BMAL1: variants seen among roughly 807,000 people sequenced by gnomAD.
BMAL1 encodes basic helix-loop-helix ARNT-like protein 1.
the BMAL1 span, among the ~76,000 whole-genome samples, chr11:13,278,232 G>A: frequency 6.6e-6 from 1 of 152,244 alleles, no homozygotes; most frequent in African/African-American, 2.4e-5. Context: ...GGCCGGGAAA[G>A]TGTTCGCTGG....
At chr11:13,336,228 C>A in the BMAL1 span, among the ~76,000 whole-genome samples, 2 of 152,132 alleles carry the variant, frequency 1.3e-5, no homozygotes, top group African/African-American at 4.8e-5. Flanking sequence ...CCTAAAAGAG[C>A]CTGAAACAGT....
chr11:13,345,403 G>A, the BMAL1 span, among the ~76,000 whole-genome samples: 1 of 152,228 alleles, frequency 6.6e-6, no homozygotes, highest in Non-Finnish European at 1.5e-5. Context: ...TGAGAGCTGA[G>A]CATTTCCCTC....
At chr11:13,283,341 T>G in the BMAL1 span, among the ~76,000 whole-genome samples, 1 of 152,232 alleles carries the variant, frequency 6.6e-6, no homozygotes, top group African/African-American at 2.4e-5. Flanking sequence ...ATAGGAATAA[T>G]AATTATTACG....
chr11:13,281,629 C>T, the BMAL1 span, among the ~76,000 whole-genome samples: 4 of 152,136 alleles, frequency 2.6e-5, no homozygotes, highest in Non-Finnish European at 5.9e-5. Context: ...CCTGCCTCAG[C>T]CTCCAGAGTA....
chr11:13,350,853 TAAA>T, the BMAL1 span, among the ~76,000 whole-genome samples: 1 of 152,312 alleles, frequency 6.6e-6, no homozygotes, highest in Non-Finnish European at 1.5e-5. Flanking sequence ...TAAACAAAGT[TAAA>T]AAGCAAAAGG....
chr11:13,318,654 C>G, the BMAL1 span, among the ~76,000 whole-genome samples: 1 of 145,476 alleles, frequency 6.9e-6, no homozygotes, highest in Non-Finnish European at 1.5e-5. Flanking sequence ...GAACTTGAGA[C>G]CATTGCCTTC....
the BMAL1 span, among the ~76,000 whole-genome samples, chr11:13,341,129 A>G: frequency 6.6e-6 from 1 of 151,922 alleles, no homozygotes; most frequent in Non-Finnish European, 1.5e-5. Flanking sequence ...CCTAGGGGAG[A>G]ACCCTCAGCC....
At chr11:13,351,560 A>G in the BMAL1 span, among the ~76,000 whole-genome samples, 1 of 152,196 alleles carries the variant, frequency 6.6e-6, no homozygotes, top group Non-Finnish European at 1.5e-5. Flanking sequence ...CACTAGCTAG[A>G]GCCCCTGGAG....
chr11:13,385,725 G>A, the BMAL1 span: 11 of 1,613,548 alleles, frequency 6.8e-6, no homozygotes, highest in South Asian at 5.5e-5. Context: ...TCCTTCCAGT[G>A]GCCTACTATC....
At chr11:13,314,167 G>A in the BMAL1 span, among the ~76,000 whole-genome samples, 8 of 148,590 alleles carry the variant, frequency 5.4e-5, no homozygotes, top group Non-Finnish European at 8.9e-5. Flanking sequence ...AGCACTTATC[G>A]GTGTTACTGT....
At chr11:13,312,842 T>A in the BMAL1 span, among the ~76,000 whole-genome samples, 2 of 152,350 alleles carry the variant, frequency 1.3e-5, no homozygotes, top group African/African-American at 4.8e-5. Context: ...TCTCAGGCAC[T>A]GCTCTTGGCA....
chr11:13,386,897 C>T, the BMAL1 span: 1 of 953,694 alleles, frequency 1.0e-6, no homozygotes, highest in Non-Finnish European at 1.5e-6. Flanking sequence ...GCCATTGATA[C>T]AAGTCAATCT....
At chr11:13,307,967 C>T in the BMAL1 span, among the ~76,000 whole-genome samples, 1 of 152,124 alleles carries the variant, frequency 6.6e-6, no homozygotes, top group Non-Finnish European at 1.5e-5. Context: ...ATTTCCTCCT[C>T]TGTTCAGAAT....
chr11:13,381,259 G>A, the BMAL1 span: 3 of 1,613,680 alleles, frequency 1.9e-6, no homozygotes, highest in Non-Finnish European at 2.5e-6. Context: ...AAGAAGGTAA[G>A]ACTGATGATT....
At chr11:13,387,202 TGGG>T in the BMAL1 span, 1 of 153,876 alleles carries the variant, frequency 6.5e-6, no homozygotes, top group African/African-American at 2.4e-5. Flanking sequence ...ACTATAAATA[TGGG>T]TTAAAGTATA....
At chr11:13,381,206 C>G in the BMAL1 span, 12 of 1,614,072 alleles carry the variant, frequency 7.4e-6, no homozygotes, top group Non-Finnish European at 1.0e-5. Flanking sequence ...GCCCATTGAA[C>G]ATCACGAGTA....
chr11:13,313,076 G>A, the BMAL1 span, among the ~76,000 whole-genome samples: 1,347 of 152,308 alleles, frequency 8.8e-3, 21 homozygotes, highest in African/African-American at 0.03. Flanking sequence ...TGTCAGCTGC[G>A]CTGTCAGCAC....
At chr11:13,346,278 C>G in the BMAL1 span, among the ~76,000 whole-genome samples, 1 of 152,214 alleles carries the variant, frequency 6.6e-6, no homozygotes, top group Non-Finnish European at 1.5e-5. Context: ...CAGAACCTTC[C>G]CACTGGGTGG....
At chr11:13,377,738 CTCA>C in the BMAL1 span, among the ~76,000 whole-genome samples, 1 of 152,254 alleles carries the variant, frequency 6.6e-6, no homozygotes, top group Non-Finnish European at 1.5e-5. Context: ...CTATCATGCT[CTCA>C]TCATCATTTA....
Sources: gnomAD v4.1 joint callset for allele counts (sites outside exome capture counted in the v4.1 genomes callset) on GRCh38, gnomAD v4.1.1 for gene constraint, MANE v1.5 for transcripts, NCBI Gene and HGNC (gene_info 2026-07-23, HGNC 2026-07-21) for gene names.